Variants in PCDHGB6 observed in about 807,000 individuals in gnomAD.
PCDHGB6 encodes protocadherin gamma-B6.
A neutral mutation model predicts 59.1 loss-of-function variants in PCDHGB6; 51 were observed. The observed-to-expected ratio is 0.86, with a 90% CI of 0.69 to 1.09. The LOEUF (loss-of-function observed/expected upper bound fraction) is 1.09, where lower values mean the gene tolerates loss of function less well. Ranked by LOEUF, PCDHGB6 falls within the 50% of genes least tolerant of loss-of-function variation. The probability of loss-of-function intolerance (pLI) is 0.00; values close to 1 mark genes in which losing one functional copy is unlikely to be tolerated. For synonymous variants in PCDHGB6, 466 were observed against 495.1 expected, an observed-to-expected ratio of 0.94 and a Z score of 0.78; for missense variants, 1,148 against 1,205.1, an observed-to-expected ratio of 0.95 and a Z score of 0.70.
rs751214480 is a variant in PCDHGB6, at chr5:141,485,161, G to A, written c.2419-9646G>A. ...CGTCTCAGGAGCAAGTAGAGAATTA[G>A]CGGGCGGCAGCAATGCTCCGCAAGG... On this transcript the variant is annotated intron_variant, in intron 1 of 3. Transcript: ENST00000520790. The surrounding 1 kb of genome is among the most constrained non-coding windows in gnomAD (Gnocchi z 5.7). The A allele has an allele frequency of 8.1e-6, 13 of 1,603,712 alleles. No individual in the cohort carries two copies. The Admixed American group carries it at 2.0e-4, about 25-fold the overall frequency.
intron 1 of PCDHGB6, among the ~76,000 whole-genome samples, chr5:141,482,782 G>T (rs775083331): frequency 1.6e-4 from 25 of 152,154 alleles, no homozygotes; most frequent in Non-Finnish European, 3.2e-4. Context: ...ACCTTAAACT[G>T]TGTGTGTGGC....
chr5:141,431,904 T>A lies in PCDHGB6; in HGVS notation c.2418+21284T>A. On this transcript the variant is annotated intron_variant, in intron 1 of 3. Transcript: ENST00000520790. The surrounding 1 kb of genome is among the most constrained non-coding windows in gnomAD (Gnocchi z 4.8). ...CAAGATTCTGAGGAAAACGGACAGG[T>A]GATCTGTTTCATCCAAGGAAATCTG... is the stretch of plus-strand genomic sequence containing the variant. 1 of 1,613,846 alleles carries A rather than the reference T, an allele frequency of 6.2e-7. No individual in the cohort carries two copies. Among genetic ancestry groups the A allele is most frequent in the Non-Finnish European group, 8.5e-7 (1 of 1,179,708 alleles).
intron 1 of PCDHGB6, chr5:141,421,722 G>C: frequency 6.2e-7 from 1 of 1,613,972 alleles, no homozygotes; most frequent in Non-Finnish European, 8.5e-7. Flanking sequence ...ATGTGGGCGT[G>C]AACTCCCTCC....
intron 3 of PCDHGB6, 77 bp downstream of exon 3, chr5:141,505,558 C>T (rs945428797): frequency 3.7e-6 from 6 of 1,605,016 alleles, no homozygotes; most frequent in African/African-American, 1.3e-5. Context: ...ACCATGCCCA[C>T]GGACTGGATG....
rs1326004540 is a variant in PCDHGB6 at position 141,477,117 on chromosome 5, C to T, written c.2419-17690C>T. Reference sequence around the variant, plus strand: ...GACAAGGGCGCCAATCCCGAAGGAGCACATTGCAAAGTGTTGGTGGAGGTT... The same window carrying T: ...GACAAGGGCGCCAATCCCGAAGGAGTACATTGCAAAGTGTTGGTGGAGGTT... On this transcript the variant is annotated intron_variant, in intron 1 of 3. Coordinates refer to ENST00000520790, the MANE Select transcript of PCDHGB6 (RefSeq NM_018926.3). The surrounding 1 kb of genome is among the most constrained non-coding windows in gnomAD (Gnocchi z 4.9). 1.2e-6 allele frequency: 2 copies of T among 1,614,246 alleles called. No homozygotes were observed. Among genetic ancestry groups the T allele is most frequent in the East Asian group, 4.5e-5 (2 of 44,886 alleles).
Position 141,490,849 on chromosome 5 carries a change from C to T in PCDHGB6, c.2419-3958C>T, listed in dbSNP as rs200640560. The stretch of plus-strand genomic sequence containing the variant: ...GATGCTGCAGATTGTGGTGGGGGTT[C>T]GAGACTCCGGCTCTCCCCCATTGCA... On this transcript the variant is annotated intron_variant, in intron 1 of 3. Coordinates refer to ENST00000520790, the MANE Select transcript of PCDHGB6 (RefSeq NM_018926.3). This position sits in a 1 kb window ranked among gnomAD's most constrained non-coding sequence, Gnocchi z 5.4. The T allele has an allele frequency of 1.3e-5, 21 of 1,613,748 alleles. No individual in the cohort carries two copies. Among genetic ancestry groups the T allele is most frequent in the Admixed American group, 1.7e-5 (1 of 60,022 alleles).
At chr5:141,425,110 C>T (rs1335909720) in intron 1 of PCDHGB6, among the ~76,000 whole-genome samples, 1 of 152,166 alleles carries the variant, frequency 6.6e-6, no homozygotes, top group East Asian at 1.9e-4. Context: ...CAGATGCCTA[C>T]ATTTTTCTTG....
In PCDHGB6 at chr5:141,430,592, C is replaced by G; in HGVS notation, c.2418+19972C>G. The G allele has an allele frequency of 9.2e-6, 5 of 544,570 alleles. No individual in the cohort carries two copies. In the South Asian group the frequency reaches 3.1e-4, roughly 34 times the overall value. The allele number at this position is 544,570 out of a possible 1,614,324, so 33.7% of individuals were successfully genotyped here. ...AAGCGGAGATCCTGCTCGCCTTGCACGCGCCTGAAGCACAAAGCAGATAGC... is the reference window on the plus strand; with the variant it reads ...AAGCGGAGATCCTGCTCGCCTTGCAGGCGCCTGAAGCACAAAGCAGATAGC... On this transcript the variant is annotated intron_variant, in intron 1 of 3. Coordinates refer to ENST00000520790, the MANE Select transcript of PCDHGB6 (RefSeq NM_018926.3).
Position 141,431,344 on chromosome 5 carries a change from G to T in PCDHGB6, c.2418+20724G>T. On this transcript the variant is annotated intron_variant, in intron 1 of 3. Coordinates refer to ENST00000520790, the MANE Select transcript of PCDHGB6 (RefSeq NM_018926.3). This position sits in a 1 kb window ranked among gnomAD's most constrained non-coding sequence, Gnocchi z 4.8. ...ACGGTAGTAAGTACCCCGAATTGGT[G>T]CTGAAACGCGCCCTGGACCGCGAAG... 1 of 1,614,078 alleles carries T rather than the reference G, an allele frequency of 6.2e-7. No individual in the cohort carries two copies. The highest frequency in any genetic ancestry group is 1.3e-5 in the African/African-American group (1 of 75,068).
Position 141,486,662 on chromosome 5 carries a change from C to T in PCDHGB6, c.2419-8145C>T. 6.2e-7 allele frequency: 1 copy of T among 1,613,970 alleles called. No homozygotes were observed. The highest frequency in any genetic ancestry group is 1.1e-5 in the South Asian group (1 of 91,086). ...GCTTATCTCCTACTCACTCCTGGAG[C>T]CCAGGAATCGAGATGTATCAGCTTC... On this transcript the variant is annotated intron_variant, in intron 1 of 3. Coordinates refer to ENST00000520790, the MANE Select transcript of PCDHGB6 (RefSeq NM_018926.3). The surrounding 1 kb of genome is among the most constrained non-coding windows in gnomAD (Gnocchi z 5.0).
In PCDHGB6 at chr5:141,491,276, A is replaced by G; in HGVS notation, c.2419-3531A>G. The G allele has an allele frequency of 6.2e-7, 1 of 1,614,104 alleles. No individual in the cohort carries two copies. On this transcript the variant is annotated intron_variant, in intron 1 of 3. Coordinates refer to ENST00000520790, the MANE Select transcript of PCDHGB6 (RefSeq NM_018926.3). The surrounding 1 kb of genome is among the most constrained non-coding windows in gnomAD (Gnocchi z 6.9). ...CCTGAGGAAATGCCCAAATCCAGTG[A>G]CTTCCTCATACACCCTCCTGAGCGT...
intron 1 of PCDHGB6, chr5:141,414,885 C>T: frequency 6.2e-7 from 1 of 1,614,224 alleles, no homozygotes; most frequent in South Asian, 1.1e-5. Context: ...TGTACCCCGC[C>T]CTCCCCACAG....
chr5:141,490,846 G>T lies in PCDHGB6; in HGVS notation c.2419-3961G>T. 1 of 1,613,880 alleles carries T rather than the reference G, an allele frequency of 6.2e-7. No individual in the cohort carries two copies. Among genetic ancestry groups the T allele is most frequent in the Non-Finnish European group, 8.5e-7 (1 of 1,179,906 alleles). ...GCAGATGCTGCAGATTGTGGTGGGG[G>T]TTCGAGACTCCGGCTCTCCCCCATT... On this transcript the variant is annotated intron_variant, in intron 1 of 3. Coordinates refer to ENST00000520790, the MANE Select transcript of PCDHGB6 (RefSeq NM_018926.3). This position sits in a 1 kb window ranked among gnomAD's most constrained non-coding sequence, Gnocchi z 5.4.
rs78612001 is a variant in PCDHGB6 at position 141,432,435 on chromosome 5, C to A, written c.2418+21815C>A. ...TTCGTGCTGGACCAGAACGACAATG[C>A]GCCCGAGATCCTGTACCCCGCCCTC... On this transcript the variant is annotated intron_variant, in intron 1 of 3. Coordinates refer to ENST00000520790, the MANE Select transcript of PCDHGB6 (RefSeq NM_018926.3). The surrounding 1 kb of genome is among the most constrained non-coding windows in gnomAD (Gnocchi z 6.0). The A allele has an allele frequency of 0.027, 43,228 of 1,614,212 alleles. 830 individuals are homozygous for A. The highest frequency in any genetic ancestry group is 0.092 in the African/African-American group (6,903 of 75,054).
At chr5:141,448,926 C>T (rs528128105) in intron 1 of PCDHGB6, among the ~76,000 whole-genome samples, 5 of 152,256 alleles carry the variant, frequency 3.3e-5, no homozygotes, top group African/African-American at 9.6e-5. Context: ...GCCTGGGCGA[C>T]AGAGCAAGAC....
chr5:141,414,420 C>G, intron 1 of PCDHGB6: 1 of 1,613,822 alleles, frequency 6.2e-7, no homozygotes, highest in Non-Finnish European at 8.5e-7. Flanking sequence ...GAGCCCTTGA[C>G]AGGGAACAGG....
rs2099411055 is a variant in PCDHGB6, at chr5:141,477,429, C to T, written c.2419-17378C>T. 6.2e-7 allele frequency: 1 copy of T among 1,614,218 alleles called. No individual in the cohort carries two copies. Among genetic ancestry groups the T allele is most frequent in the South Asian group, 1.1e-5 (1 of 91,082 alleles). ...CGAGACGCCGGAACCCCTTCCCTCT[C>T]AGCCCTTACAATAGTGCGTGTTCAA... On this transcript the variant is annotated intron_variant, in intron 1 of 3. Coordinates refer to ENST00000520790, the MANE Select transcript of PCDHGB6 (RefSeq NM_018926.3). The surrounding 1 kb of genome is among the most constrained non-coding windows in gnomAD (Gnocchi z 4.9).
intron 1 of PCDHGB6, among the ~76,000 whole-genome samples, chr5:141,454,731 G>T (rs1249851832): frequency 6.7e-6 from 1 of 150,262 alleles, no homozygotes; most frequent in Non-Finnish European, 1.5e-5. Context: ...ATATGTTATA[G>T]GATGAAAAGA....
intron 1 of PCDHGB6, chr5:141,420,902 A>T (rs1202945278): frequency 3.4e-6 from 1 of 293,976 alleles, no homozygotes; most frequent in Non-Finnish European, 6.3e-6. Context: ...TAAGCTCTAC[A>T]AATACGTGTG....
Sources: gnomAD v4.1 joint callset for allele counts (sites outside exome capture counted in the v4.1 genomes callset) on GRCh38, gnomAD v4.1.1 for gene constraint, Gnocchi (gnomAD v3.1) non-coding constraint, MANE v1.5 for transcripts, NCBI Gene and HGNC (gene_info 2026-07-23, HGNC 2026-07-21) for gene names.